SYT8: variants seen among roughly 807,000 people sequenced by gnomAD.
The protein encoded by SYT8 is synaptotagmin-8.
In SYT8, 50 loss-of-function variants were observed where a neutral mutation model predicts 34.9. That is an observed-to-expected ratio of 1.43 (90% CI 1.14 to 1.81). SYT8 has a LOEUF of 1.81. SYT8 is among the 40% of genes most tolerant of loss of function. SYT8 has a pLI of 0.00. For synonymous variants in SYT8, 255 were observed against 234.2 expected (o/e 1.09, Z -0.81); for missense variants, 595 against 529.0 (o/e 1.12, Z -1.22).
Position 1,837,213 on chromosome 11 carries a change from G to T in SYT8, c.946G>T (p.Val316Phe). 6.4e-7 allele frequency: 1 copy of T among 1,568,726 alleles called. No homozygotes were observed. The highest frequency in any genetic ancestry group is 1.2e-5 in the South Asian group (1 of 84,936). Reference sequence around the variant, plus strand: ...ACAGAATGTGGACCTGGTGCTGGCTGTCTGGGACCGCAGCCTGCCGCTCCG... The same window carrying T: ...ACAGAATGTGGACCTGGTGCTGGCTTTCTGGGACCGCAGCCTGCCGCTCCG... ...QVQNVDLVLA[V>F]WDRSLPLRTE... Residue 316 changes from valine (V) to phenylalanine (F), a missense_variant, in exon 8 of 8, where the codon GTC (valine) becomes TTC (phenylalanine). Coordinates refer to ENST00000341958, the MANE Select transcript of SYT8 (RefSeq NM_001394072.1).
In SYT8 at chr11:1,837,492, G is replaced by T. The variant is rs1053792623; in HGVS notation, c.*61G>T. On this transcript the variant is annotated 3_prime_UTR_variant, in exon 8 of 8. Transcript: ENST00000341958. Reference sequence around the variant, plus strand: ...GGCACTTGCCCAGGCCGCCCTGCAGGACCACTGCAATAAACGCCTTCTCCT... The same window carrying T: ...GGCACTTGCCCAGGCCGCCCTGCAGTACCACTGCAATAAACGCCTTCTCCT... 6.3e-7 allele frequency: 1 copy of T among 1,576,402 alleles called. No individual in the cohort carries two copies.
In SYT8 at chr11:1,836,767, C is replaced by T. The variant is rs778296719; in HGVS notation, c.696C>T (p.Val232=). The change falls in exon 6 of 8, where the codon GTC becomes GTT. Residue 232 remains valine (V), a synonymous_variant. Coordinates refer to ENST00000341958, the MANE Select transcript of SYT8 (RefSeq NM_001394072.1). ...CTTGCTGCCCACAGCCCGAGCAGGT[C>T]GGGGAGCTGTGCTTCTCTCTCCGGT... ...GPPAATQPEQ[V]GELCFSLRYV... The T allele has an allele frequency of 6.9e-5, 111 of 1,609,438 alleles. No individual in the cohort carries two copies. The highest frequency in any genetic ancestry group is 3.3e-4 in the Middle Eastern group (2 of 6,082).
Position 1,837,434 on chromosome 11 carries a change from G to T in SYT8, c.*3G>T. The T allele has an allele frequency of 6.2e-7, 1 of 1,605,330 alleles. No individual in the cohort carries two copies. The stretch of plus-strand genomic sequence containing the variant: ...GCCTGCCCTTGCCCCACTCCTGAAT[G>T]CACCACATGCCTCTGTCTCCCCGCT... On this transcript the variant is annotated 3_prime_UTR_variant, in exon 8 of 8. Coordinates refer to ENST00000341958, the MANE Select transcript of SYT8 (RefSeq NM_001394072.1).
Position 1,835,603 on chromosome 11 carries a change from G to C in SYT8, c.258+144G>C, listed in dbSNP as rs774778902. Reference sequence around the variant, plus strand: ...GTTGAGGACCTTCCTGGCAGGGAAAGTGGGTGAACAGAGGTGAGAAGGAGG... The same window carrying C: ...GTTGAGGACCTTCCTGGCAGGGAAACTGGGTGAACAGAGGTGAGAAGGAGG... On this transcript the variant is annotated intron_variant, in intron 2 of 7. Coordinates refer to ENST00000341958, the MANE Select transcript of SYT8 (RefSeq NM_001394072.1). 4.9e-6 allele frequency: 5 copies of C among 1,011,462 alleles called. No homozygotes were observed. The Admixed American group carries it at 1.1e-4, about 22-fold the overall frequency. The allele number at this position is 1,011,462 out of a possible 1,614,324, so 62.7% of individuals were successfully genotyped here.
At position 1,836,207 on chromosome 11, in the gene SYT8, C is replaced by G. The variant is rs769553636; in HGVS notation, c.439C>G (p.Gln147Glu). ...DPYARVSVSTQAGHRHETKVH... is the reference protein window; with the variant it reads ...DPYARVSVSTEAGHRHETKVH... The stretch of plus-strand genomic sequence containing the variant: ...CTATGCCCGGGTCAGCGTCTCCACC[C>G]AGGCCGGACACAGACATGAGACAAA... Residue 147 changes from glutamine to glutamate, a missense_variant, in exon 4 of 8, where the codon CAG becomes GAG. Coordinates refer to ENST00000341958, the MANE Select transcript of SYT8 (RefSeq NM_001394072.1). 1.9e-6 allele frequency: 3 copies of G among 1,589,238 alleles called. No homozygotes were observed. The highest frequency in any genetic ancestry group is 2.6e-6 in the Non-Finnish European group (3 of 1,169,202).
At chr11:1,832,353 CA>C (rs1270056993), upstream of SYT8, among the ~76,000 whole-genome samples, 8 of 152,264 alleles carry the variant, frequency 5.3e-5, no homozygotes, top group African/African-American at 1.9e-4. Context: ...GAGCGGTGGC[CA>C]GGGGGGAGCC....
chr11:1,836,637 G>A, intron 5 of SYT8, 45 bp downstream of exon 5: 3 of 1,601,516 alleles, frequency 1.9e-6, no homozygotes, highest in Non-Finnish European at 2.6e-6. Context: ...AGAGCTGGCA[G>A]GGACCCTGCC....
At position 1,836,466 on chromosome 11, in the gene SYT8, G is replaced by T; in HGVS notation, c.558G>T (p.Gln186His). ...AELPGATLQV[Q>H]LFNFKRFSGH... Reference sequence around the variant, plus strand: ...TGCCAGGGGCCACCCTGCAGGTGCAGCTTTTCAACTTCAAGCGCTTCTCGG... The same window carrying T: ...TGCCAGGGGCCACCCTGCAGGTGCATCTTTTCAACTTCAAGCGCTTCTCGG... Residue 186 changes from glutamine to histidine, a missense_variant, in exon 5 of 8, where the codon CAG becomes CAT. Transcript: ENST00000341958. The T allele has an allele frequency of 1.2e-6, 2 of 1,606,940 alleles. No homozygotes were observed. The highest frequency in any genetic ancestry group is 1.7e-6 in the Non-Finnish European group (2 of 1,177,852).
upstream of SYT8, among the ~76,000 whole-genome samples, chr11:1,833,514 T>A (rs1846746848): frequency 6.6e-6 from 1 of 152,218 alleles, no homozygotes; most frequent in Non-Finnish European, 1.5e-5. Context: ...CTCCTTTTTG[T>A]ACCTATAATC....
chr11:1,832,553 C>G (rs1417688792), upstream of SYT8, among the ~76,000 whole-genome samples: 1 of 152,184 alleles, frequency 6.6e-6, no homozygotes, highest in African/African-American at 2.4e-5. Context: ...CCCCAGCGCC[C>G]AAGGGTCTCC....
chr11:1,836,883 G>A (rs771936731), intron 6 of SYT8, 22 bp downstream of exon 6: 68 of 1,612,502 alleles, frequency 4.2e-5, no homozygotes, highest in Non-Finnish European at 5.3e-5. Flanking sequence ...ACCTGCCCAC[G>A]TTGTTGTACA....
In SYT8 at chr11:1,837,210, G is replaced by T; in HGVS notation, c.943G>T (p.Ala315Ser). 1 of 1,568,226 alleles carries T rather than the reference G, an allele frequency of 6.4e-7. No homozygotes were observed. The highest frequency in any genetic ancestry group is 8.6e-7 in the Non-Finnish European group (1 of 1,157,908). Residue 315 changes from alanine (A) to serine (S), a missense_variant, in exon 8 of 8, where the codon GCT (alanine) becomes TCT (serine). By Grantham distance (99) the Ala-to-Ser change is moderately conservative. Coordinates refer to ENST00000341958, the MANE Select transcript of SYT8 (RefSeq NM_001394072.1). ...SQVQNVDLVL[A>S]VWDRSLPLRT... ...TGCACAGAATGTGGACCTGGTGCTG[G>T]CTGTCTGGGACCGCAGCCTGCCGCT... is the stretch of plus-strand genomic sequence containing the variant.
rs1156982919 is a variant in SYT8, at chr11:1,837,256, A to G, written c.989A>G (p.Lys330Arg). The change falls in exon 8 of 8, where the codon AAG becomes AGG. Residue 330 changes from lysine (K) to arginine (R), a missense_variant. Coordinates refer to ENST00000341958, the MANE Select transcript of SYT8 (RefSeq NM_001394072.1). ...SLPLRTEPVG[K>R]VHLGARASGQ... is the part of the protein sequence containing the mutation. ...CCGCTCCGAACTGAGCCCGTAGGCA[A>G]GGTGCACCTGGGTGCCCGGGCCTCG... 2 of 1,584,162 alleles carry G rather than the reference A, an allele frequency of 1.3e-6. No homozygotes were observed. The highest frequency in any genetic ancestry group is 1.7e-6 in the Non-Finnish European group (2 of 1,168,604).
upstream of SYT8, chr11:1,833,948 CA>C (rs1846767936): frequency 1.3e-5 from 2 of 154,194 alleles, no homozygotes; most frequent in Admixed American, 1.3e-4. Context: ...TATCTGGCCT[CA>C]ACAGCTGCTT....
chr11:1,836,064 C>T (rs761763617), intron 3 of SYT8, 62 bp from the exon 4 acceptor site: 1 of 1,565,042 alleles, frequency 6.4e-7, no homozygotes, highest in Non-Finnish European at 8.6e-7. Flanking sequence ...ACCCCATGCC[C>T]TGGGTGGTGG....
chr11:1,837,151 C>G, intron 7 of SYT8, 41 bp from the exon 8 acceptor site: 1 of 1,596,076 alleles, frequency 6.3e-7, no homozygotes, highest in African/African-American at 1.3e-5. Flanking sequence ...TGACTGTGGT[C>G]TTTCTCCCCC....
Position 1,837,359 on chromosome 11 carries a change from AGCCAGGGAGGTGGACCGCAT to A in SYT8, c.1095_1114del (p.Arg366GlyfsTer41). On this transcript the variant is annotated frameshift_variant, in exon 8 of 8. Transcript: ENST00000341958. LOFTEE classifies it low-confidence loss of function (END_TRUNC). The stretch of plus-strand genomic sequence containing the variant: ...TTGCCCAGCGGCACCCCCTGCGGCC[AGCCAGGGAGGTGGACCGCAT>A]GCTGGCCCTGCAGCCCCGCCTTCGC... 1 of 1,596,728 alleles carries A rather than the reference AGCCAGGGAGGTGGACCGCAT, an allele frequency of 6.3e-7. No homozygotes were observed. Among genetic ancestry groups the A allele is most frequent in the Non-Finnish European group, 8.5e-7 (1 of 1,175,962 alleles).
rs1179942853 is a variant in SYT8 at position 1,836,634 on chromosome 11, G to GC, written c.684+43dup. The GC allele has an allele frequency of 3.7e-6, 6 of 1,601,860 alleles. No homozygotes were observed. The South Asian group carries it at 6.6e-5, about 18-fold the overall frequency. ...CAGGCCACAGCCCAAGGCAGAGCTG[G>GC]CAGGGACCCTGCCCTATGGGCCATC... On this transcript the variant is annotated intron_variant, in intron 5 of 7. Transcript: ENST00000341958.
In SYT8 at chr11:1,835,385, C is replaced by CGCT; in HGVS notation, c.186_187insTGC (p.Arg62_His63insCys). 6.2e-7 allele frequency: 1 copy of CGCT among 1,608,712 alleles called. No homozygotes were observed. The highest frequency in any genetic ancestry group is 8.5e-7 in the Non-Finnish European group (1 of 1,179,332). On this transcript the variant is annotated inframe_insertion, in exon 2 of 8. Coordinates refer to ENST00000341958, the MANE Select transcript of SYT8 (RefSeq NM_001394072.1). ...CTGTGCTGCCTGCTGCTGCTGCCGC[C>CGCT]GCCACAGGAAGAAGCCCAGGGACAA...
Sources: gnomAD v4.1 joint callset for allele counts (sites outside exome capture counted in the v4.1 genomes callset) on GRCh38, gnomAD v4.1.1 for gene constraint, MANE v1.5 for transcripts, NCBI Gene and HGNC (gene_info 2026-07-23, HGNC 2026-07-21) for gene names.